ROBO2: variants seen among roughly 807,000 people sequenced by gnomAD.
The protein encoded by ROBO2 is roundabout homolog 2.
Under a neutral mutation model 160.8 loss-of-function variants are expected in ROBO2, and 53 were observed. The ratio of observed to expected loss-of-function variants is 0.33; its 90% CI spans 0.26 to 0.41. ROBO2 has a LOEUF of 0.41. Ranked by LOEUF, ROBO2 falls within the 10% of genes least tolerant of loss-of-function variation. The pLI is 1.00. For synonymous variants in ROBO2, 664 were observed against 611.7 expected, an observed-to-expected ratio of 1.09 and a Z score of -1.26; for missense variants, 1,577 against 1,722.4, an observed-to-expected ratio of 0.92 and a Z score of 1.49.
intron 1 of ROBO2, among the ~76,000 whole-genome samples, chr3:77,087,410 T>C (rs1336591150): frequency 6.6e-6 from 1 of 152,146 alleles, no homozygotes; most frequent in Non-Finnish European, 1.5e-5. Flanking sequence ...TTTTTGTCAT[T>C]GAAAGGTAAA....
At chr3:76,596,858 G>A (rs531855333) in intron 2 of ROBO2, among the ~76,000 whole-genome samples, 83 of 152,058 alleles carry the variant, frequency 5.5e-4, no homozygotes, top group Non-Finnish European at 8.8e-4. Flanking sequence ...GCAAATCTCT[G>A]TTAATGGCTT....
At chr3:76,697,678 A>G (rs539863068) in intron 2 of ROBO2, among the ~76,000 whole-genome samples, 1 of 130,198 alleles carries the variant, frequency 7.7e-6, no homozygotes, top group East Asian at 2.9e-4. Context: ...TATAGTAGAA[A>G]ATGAAAATAT....
chr3:76,366,148 A>C (rs77621146), intron 2 of ROBO2, among the ~76,000 whole-genome samples: 3 of 152,000 alleles, frequency 2.0e-5, no homozygotes, highest in Non-Finnish European at 4.4e-5. Context: ...ATGTCTGTCT[A>C]CATGGCTAAT....
chr3:76,043,824 T>TA (rs2067362467), intron 2 of ROBO2, among the ~76,000 whole-genome samples: 1 of 151,886 alleles, frequency 6.6e-6, no homozygotes, highest in African/African-American at 2.4e-5. Context: ...CCTCTGGCCT[T>TA]TTGGAATCCA....
intron 2 of ROBO2, among the ~76,000 whole-genome samples, chr3:76,901,361 C>G (rs1388827769): frequency 6.6e-6 from 1 of 151,750 alleles, no homozygotes; most frequent in East Asian, 1.9e-4. Flanking sequence ...AATAGGCACT[C>G]AACATATATC....
chr3:77,306,726 G>A (rs1300344133), intron 2 of ROBO2, among the ~76,000 whole-genome samples: 1 of 152,110 alleles, frequency 6.6e-6, no homozygotes, highest in Non-Finnish European at 1.5e-5. Flanking sequence ...TTTCTACTAT[G>A]ATTCTACAAT....
At chr3:77,355,617 A>C (rs1259232059) in intron 2 of ROBO2, among the ~76,000 whole-genome samples, 1 of 152,110 alleles carries the variant, frequency 6.6e-6, no homozygotes, top group African/African-American at 2.4e-5. Context: ...AGGACAGATA[A>C]TTTTCTACTT....
chr3:76,228,179 A>C (rs1704406602), intron 2 of ROBO2, among the ~76,000 whole-genome samples: 1 of 152,206 alleles, frequency 6.6e-6, no homozygotes, highest in African/African-American at 2.4e-5. Flanking sequence ...GATTCTCCAT[A>C]ATATTTTCTG....
At chr3:76,642,771 C>T (rs1030622975) in intron 2 of ROBO2, among the ~76,000 whole-genome samples, 1 of 152,124 alleles carries the variant, frequency 6.6e-6, no homozygotes, top group African/African-American at 2.4e-5. Context: ...AAGAAAACTT[C>T]ATTCTTCTGC....
chr3:76,111,308 G>C (rs1167734015), intron 2 of ROBO2, among the ~76,000 whole-genome samples: 1 of 152,054 alleles, frequency 6.6e-6, no homozygotes, highest in Non-Finnish European at 1.5e-5. Flanking sequence ...ATGGCTACCA[G>C]CAGAAGCTAG....
chr3:76,795,054 T>C (rs982471788), intron 2 of ROBO2, among the ~76,000 whole-genome samples: 1 of 152,102 alleles, frequency 6.6e-6, no homozygotes, highest in Non-Finnish European at 1.5e-5. Context: ...TATTTATATA[T>C]ACTGTAGACA....
chr3:76,915,684 A>AG (rs891820580), intron 2 of ROBO2, among the ~76,000 whole-genome samples: 16 of 151,656 alleles, frequency 1.1e-4, no homozygotes, highest in African/African-American at 3.4e-4. Flanking sequence ...AAAAAAAAAA[A>AG]AAAGAAAAAA....
At chr3:76,166,466 T>G (rs2072842587) in intron 2 of ROBO2, among the ~76,000 whole-genome samples, 1 of 152,178 alleles carries the variant, frequency 6.6e-6, no homozygotes, top group South Asian at 2.1e-4. Flanking sequence ...GTTCTTTGAT[T>G]TAGCCGTTGT....
chr3:77,278,750 T>C (rs1384528597), intron 2 of ROBO2, among the ~76,000 whole-genome samples: 1 of 152,184 alleles, frequency 6.6e-6, no homozygotes, highest in African/African-American at 2.4e-5. Context: ...GACTAATTTT[T>C]GCTTCACTTT....
intron 2 of ROBO2, among the ~76,000 whole-genome samples, chr3:75,970,397 T>G (rs2107352555): frequency 6.6e-6 from 1 of 151,658 alleles, no homozygotes; most frequent in Non-Finnish European, 1.5e-5. Context: ...TTAAGTTGTG[T>G]GAGATGTGGA....
At chr3:76,978,691 C>T (rs1277896782) in intron 2 of ROBO2, among the ~76,000 whole-genome samples, 1 of 152,000 alleles carries the variant, frequency 6.6e-6, no homozygotes, top group Non-Finnish European at 1.5e-5. Flanking sequence ...AGATACTTAA[C>T]TCAGTTTCGA....
intron 4 of ROBO2, among the ~76,000 whole-genome samples, chr3:77,490,236 G>A (rs2085920920): frequency 6.6e-6 from 1 of 151,674 alleles, no homozygotes; most frequent in Non-Finnish European, 1.5e-5. Flanking sequence ...GAGTAGCTGG[G>A]ACTACAGGTG....
chr3:77,223,599 T>A (rs1191297969), intron 2 of ROBO2, among the ~76,000 whole-genome samples: 1 of 152,202 alleles, frequency 6.6e-6, no homozygotes, highest in South Asian at 2.1e-4. Flanking sequence ...AGATTCATAA[T>A]TGAAATTTGG....
At chr3:76,239,735 AC>A (rs1705176291) in intron 2 of ROBO2, among the ~76,000 whole-genome samples, 1 of 152,200 alleles carries the variant, frequency 6.6e-6, no homozygotes, top group Non-Finnish European at 1.5e-5. Flanking sequence ...ATTGACACTT[AC>A]CTAAATCCTG....
Sources: allele counts gnomAD v4.1 joint callset (sites outside exome capture counted in the v4.1 genomes callset), GRCh38; gene constraint gnomAD v4.1.1; transcripts MANE v1.5; gene names NCBI Gene and HGNC (gene_info 2026-07-23, HGNC 2026-07-21).